Variants in CAPZB observed in about 807,000 individuals in gnomAD.
CAPZB encodes the protein capping actin protein of muscle Z-line subunit beta.
A neutral mutation model predicts 38.1 loss-of-function variants in CAPZB; 2 were observed. The observed-to-expected ratio is 0.05, with a 90% CI of 0.02 to 0.17. The LOEUF is 0.17. CAPZB is among the 10% of genes least tolerant of loss of function. The pLI is 1.00. For synonymous variants in CAPZB, 107 were observed against 127.4 expected, an observed-to-expected ratio of 0.84 and a Z score of 1.08; for missense variants, 161 against 334.2, an observed-to-expected ratio of 0.48 and a Z score of 4.04.
intron 1 of CAPZB, among the ~76,000 whole-genome samples, chr1:19,450,165 A>AAAAAAGAAAAG (rs1558273085): frequency 1.6e-5 from 2 of 128,144 alleles, no homozygotes; most frequent in African/African-American, 6.4e-5. Flanking sequence ...AAAAAAAAAA[A>AAAAAAGAAAAG]AAAAGAAAAG....
chr1:19,375,876 G>C (rs566086289), intron 4 of CAPZB, among the ~76,000 whole-genome samples: 65 of 152,266 alleles, frequency 4.3e-4, no homozygotes, highest in African/African-American at 1.4e-3. Context: ...GTCACTGTAA[G>C]GATTCAGTGA....
At chr1:19,419,615 C>G (rs778309733) in intron 2 of CAPZB, 46 bp downstream of exon 2, 2 of 1,133,344 alleles carry the variant, frequency 1.8e-6, no homozygotes, top group Non-Finnish European at 1.3e-6. Context: ...AAGCAACTAA[C>G]TCTTAGCCGC....
intron 1 of CAPZB, among the ~76,000 whole-genome samples, chr1:19,481,832 C>T (rs2100821940): frequency 6.6e-6 from 1 of 152,328 alleles, no homozygotes; most frequent in Admixed American, 6.5e-5. Flanking sequence ...CCTGCAGGTA[C>T]ACTGAACAAG....
rs1192993836 is a variant in CAPZB, at chr1:19,485,486, C to G, written c.-48G>C. 3 of 1,228,444 alleles carry G rather than the reference C, an allele frequency of 2.4e-6. No homozygotes were observed. Among genetic ancestry groups the G allele is most frequent in the African/African-American group, 1.6e-5 (1 of 64,076 alleles). 76.1% of individuals were successfully genotyped at this position (1,228,444 alleles called of 1,614,324 possible). On this transcript the variant is annotated 5_prime_UTR_variant, in exon 1 of 9. Transcript: ENST00000264202. ...CCGGTCCCGGCGTCAGTGGCTCTCC[C>G]CCCCGCAGCAGGGCCCGGCGCTTCC...
intron 4 of CAPZB, among the ~76,000 whole-genome samples, chr1:19,359,191 T>A (rs2094038533): frequency 6.9e-6 from 1 of 145,806 alleles, no homozygotes; most frequent in Non-Finnish European, 1.5e-5. Flanking sequence ...GTGATGGGTA[T>A]ACAAGAATTC....
At chr1:19,427,790 G>A (rs1225262017) in intron 1 of CAPZB, among the ~76,000 whole-genome samples, 1 of 152,168 alleles carries the variant, frequency 6.6e-6, no homozygotes, top group Non-Finnish European at 1.5e-5. Context: ...CGCTGTCAAG[G>A]GAATCACAGC....
chr1:19,445,340 C>A (rs2094492539), intron 1 of CAPZB, among the ~76,000 whole-genome samples: 1 of 150,916 alleles, frequency 6.6e-6, no homozygotes, highest in Admixed American at 6.6e-5. Context: ...AAAGTTGTTT[C>A]ATCCATGAGG....
At chr1:19,449,134 C>T (rs758467669) in intron 1 of CAPZB, 1 of 1,400,774 alleles carries the variant, frequency 7.1e-7, no homozygotes. Flanking sequence ...AAACTCCTGA[C>T]CGTAGAGTCT....
At chr1:19,359,390 A>C (rs185895474) in intron 4 of CAPZB, among the ~76,000 whole-genome samples, 9 of 152,010 alleles carry the variant, frequency 5.9e-5, no homozygotes, top group Admixed American at 6.5e-5. Flanking sequence ...GTCTGCCCTC[A>C]CTCCAACCCG....
At chr1:19,382,488 C>G (rs1409330957) in intron 3 of CAPZB, among the ~76,000 whole-genome samples, 1 of 152,108 alleles carries the variant, frequency 6.6e-6, no homozygotes, top group Non-Finnish European at 1.5e-5. Context: ...TTTAAGCAAA[C>G]CATCAAACAC....
chr1:19,351,073 C>A (rs1159275641), intron 6 of CAPZB, among the ~76,000 whole-genome samples: 2 of 151,654 alleles, frequency 1.3e-5, no homozygotes, highest in Non-Finnish European at 2.9e-5. Flanking sequence ...ACCTCTGCCT[C>A]CCGGGTTCAA....
At chr1:19,377,763 G>T (rs921862717) in intron 4 of CAPZB, among the ~76,000 whole-genome samples, 1 of 152,190 alleles carries the variant, frequency 6.6e-6, no homozygotes, top group Non-Finnish European at 1.5e-5. Context: ...ACTTTCTCTG[G>T]AGCCCTTCCT....
intron 4 of CAPZB, among the ~76,000 whole-genome samples, chr1:19,364,790 A>G (rs1242470520): frequency 1.3e-5 from 2 of 151,872 alleles, no homozygotes; most frequent in Middle Eastern, 3.2e-3. Flanking sequence ...ATCACACCTA[A>G]TCCATGCTAC....
chr1:19,373,582 A>G (rs2094130163), intron 4 of CAPZB, among the ~76,000 whole-genome samples: 1 of 152,132 alleles, frequency 6.6e-6, no homozygotes, highest in Non-Finnish European at 1.5e-5. Flanking sequence ...CTGCTATCTG[A>G]GGAGGCTGGT....
intron 1 of CAPZB, among the ~76,000 whole-genome samples, chr1:19,463,178 AATAGAGTATTAT>A (rs1279773100): frequency 6.6e-6 from 1 of 152,188 alleles, no homozygotes; most frequent in Admixed American, 6.5e-5. Flanking sequence ...AGAAAGTTCA[AATAGAGTATTAT>A]TAGGTGGCTG....
At chr1:19,414,789 ACAT>A (rs2094372057) in intron 2 of CAPZB, among the ~76,000 whole-genome samples, 1 of 152,210 alleles carries the variant, frequency 6.6e-6, no homozygotes, top group Admixed American at 6.5e-5. Context: ...GAACATCTTC[ACAT>A]CATATGATTC....
intron 4 of CAPZB, among the ~76,000 whole-genome samples, chr1:19,363,344 A>T (rs550382489): frequency 2.0e-5 from 3 of 150,710 alleles, no homozygotes; most frequent in Non-Finnish European, 3.0e-5. Context: ...AGCCAATTAC[A>T]ATTAAACATC....
chr1:19,344,848 A>G (rs1445187444), intron 7 of CAPZB, among the ~76,000 whole-genome samples: 1 of 152,212 alleles, frequency 6.6e-6, no homozygotes, highest in Admixed American at 6.5e-5. Context: ...GCCCACTGGC[A>G]TTCCTGGGAT....
At chr1:19,344,169 C>T (rs2093948264) in intron 8 of CAPZB, among the ~76,000 whole-genome samples, 189 bp downstream of exon 8, 1 of 152,166 alleles carries the variant, frequency 6.6e-6, no homozygotes, top group Non-Finnish European at 1.5e-5. Context: ...CCGACAGCTG[C>T]TACGGAGAGT....
Sources: gnomAD v4.1 joint callset for allele counts (sites outside exome capture counted in the v4.1 genomes callset) on GRCh38, gnomAD v4.1.1 for gene constraint, MANE v1.5 for transcripts, NCBI Gene and HGNC (gene_info 2026-07-23, HGNC 2026-07-21) for gene names.